CMTM5: variants seen among roughly 807,000 people sequenced by gnomAD.
CMTM5 encodes the protein CKLF-like MARVEL transmembrane domain-containing protein 5.
Under a neutral mutation model 26.9 loss-of-function variants are expected in CMTM5, and 25 were observed. The ratio of observed to expected loss-of-function variants is 0.93; its 90% confidence interval spans 0.68 to 1.30. CMTM5 has a LOEUF of 1.30. Among genes scored for constraint, CMTM5 ranks in the 50% most tolerant of loss-of-function variants. The pLI is 0.00. For missense variants in CMTM5, 292 were observed against 289.6 expected (o/e 1.01, Z -0.06); for synonymous variants, 98 against 115.5 (o/e 0.85, Z 0.97).
Position 23,377,227 on chromosome 14 carries a change from G to T in CMTM5, c.-25G>T, listed in dbSNP as rs781287056. On this transcript the variant is annotated 5_prime_UTR_variant, in exon 1 of 6. Transcript: ENST00000339180. The surrounding 1 kb of genome is among the most constrained non-coding windows in gnomAD (Gnocchi z 4.6). ...TCTTGCTGGGCTTTTGGCAGTAGGG[G>T]GCTGTGTTGGTGGGCCCTACGAAGA... 57 of 1,608,980 alleles carry T rather than the reference G, an allele frequency of 3.5e-5. No homozygotes were observed. Among genetic ancestry groups the T allele is most frequent in the Non-Finnish European group, 4.8e-5 (56 of 1,178,408 alleles).
chr14:23,378,281 G>C lies in CMTM5; in HGVS notation c.127-68G>C. The C allele has an allele frequency of 1.3e-6, 2 of 1,566,296 alleles. No individual in the cohort carries two copies. The highest frequency in any genetic ancestry group is 8.7e-7 in the Non-Finnish European group (1 of 1,148,956). Reference sequence around the variant, plus strand: ...CCAGCCTAGGGGAGCTTCCAAGGAGGGGAAGGCAAAGCCCTGGCCCCTGCC... The same window carrying C: ...CCAGCCTAGGGGAGCTTCCAAGGAGCGGAAGGCAAAGCCCTGGCCCCTGCC... On this transcript the variant is annotated intron_variant, in intron 1 of 5. Coordinates refer to ENST00000339180, the MANE Select transcript of CMTM5 (RefSeq NM_001288746.2). The surrounding 1 kb of genome is among the most constrained non-coding windows in gnomAD (Gnocchi z 4.2).
In CMTM5 at chr14:23,378,401, T is replaced by G; in HGVS notation, c.179T>G (p.Met60Arg). 6.2e-7 allele frequency: 1 copy of G among 1,614,126 alleles called. No homozygotes were observed. The highest frequency in any genetic ancestry group is 8.5e-7 in the Non-Finnish European group (1 of 1,180,008). Reference sequence around the variant, plus strand: ...TTCACGGCCTCCATCTCTGCCTACATGGCCGCGGCGCTACTGGAGTTCTTC... The same window carrying G: ...TTCACGGCCTCCATCTCTGCCTACAGGGCCGCGGCGCTACTGGAGTTCTTC... ...ICFTASISAY[M>R]AAALLEFFIT... The change falls in exon 2 of 6, where the codon ATG becomes AGG. Residue 60 changes from methionine to arginine, a missense_variant. Transcript: ENST00000339180. The surrounding 1 kb of genome is among the most constrained non-coding windows in gnomAD (Gnocchi z 4.2).
chr14:23,379,467 C>T lies in CMTM5; in HGVS notation c.659-7C>T. 7 of 1,614,048 alleles carry T rather than the reference C, an allele frequency of 4.3e-6. No individual in the cohort carries two copies. Among genetic ancestry groups the T allele is most frequent in the Non-Finnish European group, 5.9e-6 (7 of 1,180,026 alleles). ...ATGTGGGTCCCTACCTGGCTCTATC[C>T]TCACAGGGGACCAGCAGTGACTCTG... On this transcript the variant is annotated splice_polypyrimidine_tract_variant and splice_region_variant and intron_variant, in intron 5 of 5. Transcript: ENST00000339180.
chr14:23,379,231 C>T, intron 4 of CMTM5, 68 bp from the exon 5 acceptor site: 1 of 1,604,300 alleles, frequency 6.2e-7, no homozygotes, highest in Non-Finnish European at 8.5e-7. Context: ...TGGCTTGCAC[C>T]TCACCCTATA....
Position 23,377,717 on chromosome 14 carries a change from C to A in CMTM5, c.126+340C>A. 1 of 256,196 alleles carries A rather than the reference C, an allele frequency of 3.9e-6. No homozygotes were observed. The highest frequency in any genetic ancestry group is 5.1e-5 in the Admixed American group (1 of 19,692). The allele number at this position is 256,196 out of a possible 1,614,324, so 15.9% of individuals were successfully genotyped here. On this transcript the variant is annotated intron_variant, in intron 1 of 5. Transcript: ENST00000339180. This position sits in a 1 kb window ranked among gnomAD's most constrained non-coding sequence, Gnocchi z 4.6. ...CAGCACGTCCAAGAAGTCTAACTATCAAAAAGGGCAGACTTCCTGCAACTG... is the reference window on the plus strand; with the variant it reads ...CAGCACGTCCAAGAAGTCTAACTATAAAAAAGGGCAGACTTCCTGCAACTG...
In CMTM5 at chr14:23,378,663, T is replaced by C; in HGVS notation, c.280-6T>C. Reference sequence around the variant, plus strand: ...AGGTGTGCTTTGACTCACACTGATTTCACAGCTGCAGGGCCACGGGCAATC... The same window carrying C: ...AGGTGTGCTTTGACTCACACTGATTCCACAGCTGCAGGGCCACGGGCAATC... On this transcript the variant is annotated splice_polypyrimidine_tract_variant and splice_region_variant and intron_variant, in intron 2 of 5. Coordinates refer to ENST00000339180, the MANE Select transcript of CMTM5 (RefSeq NM_001288746.2). The surrounding 1 kb of genome is among the most constrained non-coding windows in gnomAD (Gnocchi z 4.2). 6.2e-7 allele frequency: 1 copy of C among 1,613,306 alleles called. No individual in the cohort carries two copies. The highest frequency in any genetic ancestry group is 8.5e-7 in the Non-Finnish European group (1 of 1,179,804).
rs1478417667 is a variant in CMTM5, at chr14:23,379,629, G to A, written c.*142G>A. The A allele has an allele frequency of 4.0e-6, 6 of 1,504,328 alleles. No homozygotes were observed. In the East Asian group the frequency reaches 1.2e-4, roughly 31 times the overall value. The allele number at this position is 1,504,328 out of a possible 1,614,324, so 93.2% of individuals were successfully genotyped here. ...GCAGTCTGGCCTGAGACGTCACTGG[G>A]GACTTATCTGTGGAGCCTGGTGCTC... On this transcript the variant is annotated 3_prime_UTR_variant, in exon 6 of 6. Coordinates refer to ENST00000339180, the MANE Select transcript of CMTM5 (RefSeq NM_001288746.2).
At position 23,378,163 on chromosome 14, in the gene CMTM5, A is replaced by G; in HGVS notation, c.127-186A>G. On this transcript the variant is annotated intron_variant, in intron 1 of 5. Coordinates refer to ENST00000339180, the MANE Select transcript of CMTM5 (RefSeq NM_001288746.2). The surrounding 1 kb of genome is among the most constrained non-coding windows in gnomAD (Gnocchi z 4.2). ...AGTGGGAGGCCGGAGACTGCCCTTG[A>G]CCGGCAAATGCCCTGCAACGGTGGC... 1 of 659,412 alleles carries G rather than the reference A, an allele frequency of 1.5e-6. No homozygotes were observed. The allele number at this position is 659,412 out of a possible 1,614,324, so 40.8% of individuals were successfully genotyped here.
Position 23,378,981 on chromosome 14 carries a change from AC to A in CMTM5, c.481-49del. 6.2e-7 allele frequency: 1 copy of A among 1,609,884 alleles called. No individual in the cohort carries two copies. Among genetic ancestry groups the A allele is most frequent in the Non-Finnish European group, 8.5e-7 (1 of 1,176,822 alleles). The stretch of plus-strand genomic sequence containing the variant: ...GGCTAGCCTGGAAAACTTCAGGGTA[AC>A]GCCCCCTGCCTTCTGAGGTCCTGTT... On this transcript the variant is annotated intron_variant, in intron 3 of 5. Transcript: ENST00000339180. The surrounding 1 kb of genome is among the most constrained non-coding windows in gnomAD (Gnocchi z 4.2).
In CMTM5 at chr14:23,378,898, C is replaced by A. The variant is rs1048582871; in HGVS notation, c.480+29C>A. 5 of 1,611,326 alleles carry A rather than the reference C, an allele frequency of 3.1e-6. No homozygotes were observed. The Admixed American group carries it at 6.7e-5, about 22-fold the overall frequency. On this transcript the variant is annotated intron_variant, in intron 3 of 5. Coordinates refer to ENST00000339180, the MANE Select transcript of CMTM5 (RefSeq NM_001288746.2). The surrounding 1 kb of genome is among the most constrained non-coding windows in gnomAD (Gnocchi z 4.2). ...AGCGCTCTGTCTCTTGAATGTGCTT[C>A]ATATTGTGTGAGGGGTATCCTATGG...
Position 23,377,107 on chromosome 14 carries a change from G to T in CMTM5, c.-145G>T. 1.8e-6 allele frequency: 2 copies of T among 1,141,098 alleles called. No homozygotes were observed. Among genetic ancestry groups the T allele is most frequent in the South Asian group, 3.0e-5 (2 of 67,460 alleles). 70.7% of individuals were successfully genotyped at this position (1,141,098 alleles called of 1,614,324 possible). On this transcript the variant is annotated 5_prime_UTR_variant, in exon 1 of 6. Coordinates refer to ENST00000339180, the MANE Select transcript of CMTM5 (RefSeq NM_001288746.2). The surrounding 1 kb of genome is among the most constrained non-coding windows in gnomAD (Gnocchi z 4.6). The stretch of plus-strand genomic sequence containing the variant: ...GCCCCCAGCGCCTGCCTTCTCTCCC[G>T]GGGCCCTGTGGGCAAGCCTCCTGCT...
In CMTM5 at chr14:23,378,913, G is replaced by C. The variant is rs1169566368; in HGVS notation, c.480+44G>C. On this transcript the variant is annotated intron_variant, in intron 3 of 5. Coordinates refer to ENST00000339180, the MANE Select transcript of CMTM5 (RefSeq NM_001288746.2). The surrounding 1 kb of genome is among the most constrained non-coding windows in gnomAD (Gnocchi z 4.2). Reference sequence around the variant, plus strand: ...GAATGTGCTTCATATTGTGTGAGGGGTATCCTATGGAGGGGTTCAGAATCC... The same window carrying C: ...GAATGTGCTTCATATTGTGTGAGGGCTATCCTATGGAGGGGTTCAGAATCC... 1.2e-6 allele frequency: 2 copies of C among 1,607,970 alleles called. No individual in the cohort carries two copies. The highest frequency in any genetic ancestry group is 1.7e-4 in the Middle Eastern group (1 of 6,054).
At position 23,378,165 on chromosome 14, in the gene CMTM5, C is replaced by G. The variant is rs1045130142; in HGVS notation, c.127-184C>G. On this transcript the variant is annotated intron_variant, in intron 1 of 5. Coordinates refer to ENST00000339180, the MANE Select transcript of CMTM5 (RefSeq NM_001288746.2). This position sits in a 1 kb window ranked among gnomAD's most constrained non-coding sequence, Gnocchi z 4.2. ...TGGGAGGCCGGAGACTGCCCTTGAC[C>G]GGCAAATGCCCTGCAACGGTGGCTC... is the stretch of plus-strand genomic sequence containing the variant. 2 of 667,098 alleles carry G rather than the reference C, an allele frequency of 3.0e-6. No homozygotes were observed. The highest frequency in any genetic ancestry group is 5.0e-6 in the Non-Finnish European group (2 of 399,092). 41.3% of individuals were successfully genotyped at this position (667,098 alleles called of 1,614,324 possible).
Position 23,377,422 on chromosome 14 carries a change from C to T in CMTM5, c.126+45C>T, listed in dbSNP as rs759149358. 14 of 1,516,268 alleles carry T rather than the reference C, an allele frequency of 9.2e-6. No homozygotes were observed. The highest frequency in any genetic ancestry group is 3.8e-5 in the South Asian group (3 of 78,258). 93.9% of individuals were successfully genotyped at this position (1,516,268 alleles called of 1,614,324 possible). On this transcript the variant is annotated intron_variant, in intron 1 of 5. Transcript: ENST00000339180. This position sits in a 1 kb window ranked among gnomAD's most constrained non-coding sequence, Gnocchi z 4.6. ...CTGGTGCCTCCATCTCCCTGACCCC[C>T]GGCTCCTGGCCAGCCTTATGCCAGC... is the stretch of plus-strand genomic sequence containing the variant.
Position 23,378,167 on chromosome 14 carries a change from G to T in CMTM5, c.127-182G>T. 1.5e-6 allele frequency: 1 copy of T among 675,214 alleles called. No homozygotes were observed. 41.8% of individuals were successfully genotyped at this position (675,214 alleles called of 1,614,324 possible). ...GGAGGCCGGAGACTGCCCTTGACCGGCAAATGCCCTGCAACGGTGGCTCCT... is the reference window on the plus strand; with the variant it reads ...GGAGGCCGGAGACTGCCCTTGACCGTCAAATGCCCTGCAACGGTGGCTCCT... On this transcript the variant is annotated intron_variant, in intron 1 of 5. Transcript: ENST00000339180. This position sits in a 1 kb window ranked among gnomAD's most constrained non-coding sequence, Gnocchi z 4.2.
rs1890779122 is a variant in CMTM5, at chr14:23,379,589, C to A, written c.*102C>A. The A allele has an allele frequency of 6.4e-7, 1 of 1,564,206 alleles. No individual in the cohort carries two copies. The highest frequency in any genetic ancestry group is 1.4e-5 in the African/African-American group (1 of 73,708). ...CTAGCCCCCAGCCCGCCAAACCCCA[C>A]CCCAGCCCTACACAGCAGTCTGGCC... On this transcript the variant is annotated 3_prime_UTR_variant, in exon 6 of 6. Coordinates refer to ENST00000339180, the MANE Select transcript of CMTM5 (RefSeq NM_001288746.2).
chr14:23,378,355 A>T lies in CMTM5; in HGVS notation c.133A>T (p.Thr45Ser), dbSNP rs1434561068. 4 of 1,613,608 alleles carry T rather than the reference A, an allele frequency of 2.5e-6. No individual in the cohort carries two copies. Among genetic ancestry groups the T allele is most frequent in the Non-Finnish European group, 3.4e-6 (4 of 1,179,814 alleles). The change falls in exon 2 of 6, where the codon ACC becomes TCC. Residue 45 changes from threonine to serine, a missense_variant. By Grantham distance (58) the Thr-to-Ser change is moderately conservative. Transcript: ENST00000339180. The surrounding 1 kb of genome is among the most constrained non-coding windows in gnomAD (Gnocchi z 4.2). Reference protein sequence around the residue: ...GILLETELALTLIIFICFTAS... With the variant: ...GILLETELALSLIIFICFTAS... ...CACATGCTCGGTCCTGCAGGCCCTG[A>T]CCCTCATCATCTTCATCTGCTTCAC...
rs1890687967 is a variant in CMTM5, at chr14:23,378,515, A to AC, written c.279+18dup. 6.2e-7 allele frequency: 1 copy of AC among 1,613,526 alleles called. No homozygotes were observed. The highest frequency in any genetic ancestry group is 1.7e-5 in the Admixed American group (1 of 59,966). ...TGGCCCTGTCTGGTGAGGAACCCTG[A>AC]CCCCTAGCCCAGTTTGGGGCCCTTC... On this transcript the variant is annotated intron_variant, in intron 2 of 5. Transcript: ENST00000339180. The surrounding 1 kb of genome is among the most constrained non-coding windows in gnomAD (Gnocchi z 4.2).
Position 23,378,190 on chromosome 14 carries a change from C to G in CMTM5, c.127-159C>G, listed in dbSNP as rs1241526845. 7.9e-6 allele frequency: 6 copies of G among 763,588 alleles called. No homozygotes were observed. The African/African-American group carries it at 8.8e-5, about 11-fold the overall frequency. 47.3% of individuals were successfully genotyped at this position (763,588 alleles called of 1,614,324 possible). The stretch of plus-strand genomic sequence containing the variant: ...CGGCAAATGCCCTGCAACGGTGGCT[C>G]CTGACACCAGGGGATAGGGAGATGT... On this transcript the variant is annotated intron_variant, in intron 1 of 5. Coordinates refer to ENST00000339180, the MANE Select transcript of CMTM5 (RefSeq NM_001288746.2). The surrounding 1 kb of genome is among the most constrained non-coding windows in gnomAD (Gnocchi z 4.2).
Sources: gnomAD v4.1 joint callset for allele counts on GRCh38, gnomAD v4.1.1 for gene constraint, Gnocchi (gnomAD v3.1) non-coding constraint, MANE v1.5 for transcripts, NCBI Gene and HGNC (gene_info 2026-07-23, HGNC 2026-07-21) for gene names.